Variants in RABGAP1L observed in about 807,000 individuals in gnomAD.
RABGAP1L encodes RAB GTPase activating protein 1 like.
RABGAP1L carries 63 observed loss-of-function variants against 137.7 expected under a neutral mutation model. The observed-to-expected ratio is 0.46, with a 90% CI of 0.37 to 0.56. The LOEUF (loss-of-function observed/expected upper bound fraction) is 0.56, where lower values mean the gene tolerates loss of function less well. Ranked by LOEUF, RABGAP1L falls within the 20% of genes least tolerant of loss-of-function variation. RABGAP1L has a pLI of 0.00. For missense variants in RABGAP1L, 1,095 were observed against 1,244.0 expected (o/e 0.88, Z 1.80); for synonymous variants, 431 against 433.7 (o/e 0.99, Z 0.08).
intron 7 of RABGAP1L, among the ~76,000 whole-genome samples, chr1:174,261,332 C>T (rs543590870): frequency 2.9e-4 from 44 of 152,198 alleles, no homozygotes; most frequent in African/African-American, 1.1e-3. Flanking sequence ...TTCTAAATGA[C>T]AGTGATCATA....
At chr1:174,255,292 A>C (rs1387468061) in intron 7 of RABGAP1L, among the ~76,000 whole-genome samples, 1 of 152,238 alleles carries the variant, frequency 6.6e-6, no homozygotes, top group Non-Finnish European at 1.5e-5. Flanking sequence ...CCAAAAGAAT[A>C]TGATTATATT....
chr1:174,744,500 T>A (rs950569081), intron 17 of RABGAP1L, among the ~76,000 whole-genome samples: 1 of 152,208 alleles, frequency 6.6e-6, no homozygotes, highest in African/African-American at 2.4e-5. Context: ...ATACGAAAAC[T>A]GAGTGGCTTT....
At chr1:174,854,600 C>T (rs1012432858) in intron 19 of RABGAP1L, among the ~76,000 whole-genome samples, 14 of 151,364 alleles carry the variant, frequency 9.2e-5, no homozygotes, top group African/African-American at 3.4e-4. Context: ...TCAATTAGAC[C>T]CTTAAGGGCC....
intron 19 of RABGAP1L, among the ~76,000 whole-genome samples, chr1:174,916,340 G>A (rs922527198): frequency 6.6e-6 from 1 of 152,026 alleles, no homozygotes; most frequent in African/African-American, 2.4e-5. Context: ...TCACCTTCTT[G>A]CTTTTACATG....
chr1:174,661,994 G>T (rs931521487), intron 14 of RABGAP1L, among the ~76,000 whole-genome samples: 3 of 151,504 alleles, frequency 2.0e-5, no homozygotes, highest in African/African-American at 7.3e-5. Context: ...TTACTATACT[G>T]TGCTTTTTAA....
At chr1:174,955,246 G>GAGAC (rs1001068256) in intron 19 of RABGAP1L, among the ~76,000 whole-genome samples, 1 of 152,174 alleles carries the variant, frequency 6.6e-6, no homozygotes, top group African/African-American at 2.4e-5. Flanking sequence ...TTTGGCTGGG[G>GAGAC]AGACATTCCC....
chr1:174,202,223 T>G lies in RABGAP1L; in HGVS notation c.-33-16902T>G, dbSNP rs552991998. 1.5e-3 allele frequency among the ~76,000 whole-genome samples: 233 copies of G among 152,142 alleles called. 1 individual carries two copies. Among genetic ancestry groups the G allele is most frequent in the African/African-American group, 5.4e-3 (225 of 41,502 alleles). On this transcript the variant is annotated intron_variant, in intron 1 of 25. Transcript: ENST00000681986. ...TAGTTCTAGATCCCTGAGGAATCGC[T>G]ACACTGACTTCCACAATGGTTGAAC...
intron 18 of RABGAP1L, among the ~76,000 whole-genome samples, chr1:174,793,421 A>G (rs919904402): frequency 1.1e-4 from 16 of 152,344 alleles, no homozygotes; most frequent in Non-Finnish European, 1.5e-4. Flanking sequence ...TAAGTCTACA[A>G]TATTTTACAG....
At chr1:174,396,896 T>C (rs1035819213) in intron 13 of RABGAP1L, among the ~76,000 whole-genome samples, 4 of 149,866 alleles carry the variant, frequency 2.7e-5, no homozygotes, top group Admixed American at 6.7e-5. Context: ...TCCAACAGTT[T>C]GGAAGGTGGA....
intron 10 of RABGAP1L, among the ~76,000 whole-genome samples, chr1:174,299,105 T>C (rs954805109): frequency 1.3e-5 from 2 of 152,262 alleles, no homozygotes; most frequent in Admixed American, 1.3e-4. Flanking sequence ...TTTAGTTTTA[T>C]ACTTGGCCTG....
At chr1:174,518,035 A>G (rs1663021091) in intron 13 of RABGAP1L, among the ~76,000 whole-genome samples, 1 of 152,224 alleles carries the variant, frequency 6.6e-6, no homozygotes, top group African/African-American at 2.4e-5. Flanking sequence ...TCATTATATC[A>G]GTGGTTTTCA....
intron 19 of RABGAP1L, among the ~76,000 whole-genome samples, chr1:174,910,008 G>C (rs181388326): frequency 6.6e-6 from 1 of 152,092 alleles, no homozygotes; most frequent in South Asian, 2.1e-4. Flanking sequence ...GCATGGTGGC[G>C]GGTGTCTGTA....
intron 23 of RABGAP1L, among the ~76,000 whole-genome samples, chr1:174,980,307 T>C (rs1265869138): frequency 6.6e-6 from 1 of 152,242 alleles, no homozygotes; most frequent in Non-Finnish European, 1.5e-5. Flanking sequence ...ATAATCAACA[T>C]ATGTTTATTT....
chr1:174,215,043 G>T (rs1669181882), intron 1 of RABGAP1L, among the ~76,000 whole-genome samples: 1 of 152,168 alleles, frequency 6.6e-6, no homozygotes, highest in Non-Finnish European at 1.5e-5. Flanking sequence ...TCAACAAAGT[G>T]AAGAGACAAC....
chr1:174,903,691 C>G (rs928275739), intron 19 of RABGAP1L, among the ~76,000 whole-genome samples: 1 of 152,170 alleles, frequency 6.6e-6, no homozygotes, highest in Middle Eastern at 3.2e-3. Context: ...GTACTAACGC[C>G]TGTAATCCCA....
At chr1:174,957,861 T>C (rs1483616031) in intron 20 of RABGAP1L, 2 of 1,543,408 alleles carry the variant, frequency 1.3e-6, no homozygotes, top group African/African-American at 1.4e-5. Context: ...GACTCCCAAA[T>C]AGCCAACCAT....
At chr1:174,342,450 G>A (rs1418243524) in intron 11 of RABGAP1L, among the ~76,000 whole-genome samples, 3 of 152,090 alleles carry the variant, frequency 2.0e-5, no homozygotes, top group Non-Finnish European at 2.9e-5. Flanking sequence ...GTTTTTGACT[G>A]AGAATATCAT....
intron 19 of RABGAP1L, among the ~76,000 whole-genome samples, chr1:174,912,232 T>C (rs1190728264): frequency 1.3e-5 from 2 of 152,122 alleles, no homozygotes; most frequent in African/African-American, 4.8e-5. Flanking sequence ...AGCCTTGAAC[T>C]CTTGGCTGAA....
intron 4 of RABGAP1L, among the ~76,000 whole-genome samples, chr1:174,240,626 G>A (rs77730561): frequency 0.013 from 2,031 of 152,266 alleles, 50 homozygotes; most frequent in African/African-American, 0.045. Context: ...TTTGTATTCC[G>A]TTGTTGAATT....
Sources: gnomAD v4.1 joint callset for allele counts (sites outside exome capture counted in the v4.1 genomes callset) on GRCh38, gnomAD v4.1.1 for gene constraint, MANE v1.5 for transcripts, NCBI Gene and HGNC (gene_info 2026-07-23, HGNC 2026-07-21) for gene names.